RPS6KA2: variants seen among roughly 807,000 people sequenced by gnomAD.
RPS6KA2 encodes the protein ribosomal protein S6 kinase A2.
Under a neutral mutation model 91.8 loss-of-function variants are expected in RPS6KA2, and 42 were observed. The ratio of observed to expected loss-of-function variants is 0.46; its 90% confidence interval spans 0.36 to 0.59. The LOEUF (loss-of-function observed/expected upper bound fraction) is 0.59. RPS6KA2 is among the 20% of genes least tolerant of loss of function. The probability of loss-of-function intolerance (pLI) is 0.00; values close to 1 mark genes in which losing one functional copy is unlikely to be tolerated. For synonymous variants in RPS6KA2, 414 were observed against 393.6 expected (o/e 1.05, Z -0.61); for missense variants, 798 against 978.5 (o/e 0.82, Z 2.46).
At chr6:166,430,005 T>C (rs1457939372) in intron 16 of RPS6KA2, among the ~76,000 whole-genome samples, 1 of 151,598 alleles carries the variant, frequency 6.6e-6, no homozygotes, top group Non-Finnish European at 1.5e-5. Flanking sequence ...TCACGCAGGC[T>C]GGAGTGCAAT....
Position 166,726,616 on chromosome 6 carries a change from A to T in RPS6KA2, c.123+131584T>A, listed in dbSNP as rs1790347008. 6.6e-6 allele frequency among the ~76,000 whole-genome samples: 1 copy of T among 152,256 alleles called. No homozygotes were observed. Among genetic ancestry groups the T allele is most frequent in the South Asian group, 2.1e-4 (1 of 4,834 alleles). Reference sequence around the variant, plus strand: ...AACTGATCCAAAATATATAACCGTGATCACCTTAAATCACATAAACATGAT... The same window carrying T: ...AACTGATCCAAAATATATAACCGTGTTCACCTTAAATCACATAAACATGAT... On this transcript the variant is annotated intron_variant, in intron 2 of 21. Transcript: ENST00000503859. This position sits in a 1 kb window ranked among gnomAD's most constrained non-coding sequence, Gnocchi z 4.4.
intron 2 of RPS6KA2, among the ~76,000 whole-genome samples, chr6:166,843,918 G>A (rs1454790571): frequency 1.3e-5 from 2 of 151,862 alleles, no homozygotes; most frequent in Admixed American, 6.6e-5. Flanking sequence ...AAACCAAAAG[G>A]AAATCTCTGA....
At chr6:166,659,239 T>A (rs1338446300) in intron 2 of RPS6KA2, among the ~76,000 whole-genome samples, 1 of 152,212 alleles carries the variant, frequency 6.6e-6, no homozygotes, top group Admixed American at 6.5e-5. Flanking sequence ...CCCTATTAAT[T>A]AAAAACCAAA....
In RPS6KA2 at chr6:166,635,172, C is replaced by T. The variant is rs1266757009; in HGVS notation, c.124-96388G>A. On this transcript the variant is annotated intron_variant, in intron 2 of 21. Coordinates refer to the RPS6KA2 transcript ENST00000503859. This position sits in a 1 kb window ranked among gnomAD's most constrained non-coding sequence, Gnocchi z 4.8. Reference sequence around the variant, plus strand: ...CTAATTATCAATCACTTCTCTCCCACGTACACCTTGGCATGAATGAGTTAG... The same window carrying T: ...CTAATTATCAATCACTTCTCTCCCATGTACACCTTGGCATGAATGAGTTAG... Among the ~76,000 whole-genome samples, 5 of 152,334 alleles carry T rather than the reference C, an allele frequency of 3.3e-5. 1 individual carries two copies. Among genetic ancestry groups the T allele is most frequent in the South Asian group, 4.1e-4 (2 of 4,826 alleles).
rs117104145 is a variant in RPS6KA2, at chr6:166,672,184, C to T, written c.124-133400G>A. 4.8e-4 allele frequency among the ~76,000 whole-genome samples: 73 copies of T among 152,228 alleles called. 2 individuals carry two copies. The East Asian group carries it at 7.7e-3, about 16-fold the overall frequency. On this transcript the variant is annotated intron_variant, in intron 2 of 21. Coordinates refer to the RPS6KA2 transcript ENST00000503859. ...ATCGGGAGGTTAAAGAGACCCAGGG[C>T]GGATATGAGGGAGGGACTGCTCCAG...
At chr6:166,719,978 A>G (rs1050024295) in intron 2 of RPS6KA2, among the ~76,000 whole-genome samples, 2 of 152,242 alleles carry the variant, frequency 1.3e-5, no homozygotes, top group South Asian at 2.1e-4. Flanking sequence ...TGTGGGAGAA[A>G]GAAGTTAACT....
Position 166,702,486 on chromosome 6 carries a change from T to G in RPS6KA2, c.123+155714A>C. 4 of 1,573,810 alleles carry G rather than the reference T, an allele frequency of 2.5e-6. No homozygotes were observed. In the South Asian group the frequency reaches 4.4e-5, roughly 17 times the overall value. On this transcript the variant is annotated intron_variant, in intron 2 of 21. Transcript: ENST00000503859. ...AATAGGTTACATTTACAACTGCAGT[T>G]TCCGAGTCAGTGTTCACTTGCTGAC...
At chr6:166,443,629 C>T (rs976796407) in intron 14 of RPS6KA2, among the ~76,000 whole-genome samples, 3 of 152,162 alleles carry the variant, frequency 2.0e-5, no homozygotes, top group African/African-American at 7.2e-5. Flanking sequence ...ACGGTAGTGC[C>T]ATATTCGCCA....
chr6:166,838,479 T>C (rs933235410), intron 2 of RPS6KA2, among the ~76,000 whole-genome samples: 49 of 152,134 alleles, frequency 3.2e-4, no homozygotes, highest in Admixed American at 3.2e-3. Flanking sequence ...CAAAAAATAT[T>C]CACAAAAAAA....
At position 166,437,847 on chromosome 6, in the gene RPS6KA2, A is replaced by G. The variant is rs1779386638; in HGVS notation, c.1333-5357T>C. Among the ~76,000 whole-genome samples the G allele has an allele frequency of 6.6e-6, 1 of 152,194 alleles. No homozygotes were observed. The highest frequency in any genetic ancestry group is 1.5e-5 in the Non-Finnish European group (1 of 68,030). On this transcript the variant is annotated intron_variant, in intron 14 of 20. Transcript: ENST00000265678. This position sits in a 1 kb window ranked among gnomAD's most constrained non-coding sequence, Gnocchi z 4.3. The stretch of plus-strand genomic sequence containing the variant: ...CCTGCTGGCCGAAGGCGGCAACAGG[A>G]GACTTCACCGCTCTCGATACACCTT...
chr6:166,752,616 T>G (rs764774313), intron 2 of RPS6KA2, among the ~76,000 whole-genome samples: 26 of 152,240 alleles, frequency 1.7e-4, no homozygotes, highest in Non-Finnish European at 3.5e-4. Flanking sequence ...TGATTCTTGG[T>G]GTTAGAGATC....
At chr6:166,819,236 G>A (rs574396868) in intron 2 of RPS6KA2, among the ~76,000 whole-genome samples, 5 of 151,728 alleles carry the variant, frequency 3.3e-5, no homozygotes, top group Non-Finnish European at 7.4e-5. Context: ...TTGGTTTTTT[G>A]TTTGTTTATT....
chr6:166,410,400 T>A lies in RPS6KA2; in HGVS notation c.*2362A>T, dbSNP rs1562472681. The A allele has an allele frequency of 6.6e-6, 1 of 152,598 alleles. No homozygotes were observed. Among genetic ancestry groups the A allele is most frequent in the African/African-American group, 2.4e-5 (1 of 41,458 alleles). The allele number at this position is 152,598 out of a possible 1,614,324, so 9.5% of individuals were successfully genotyped here. The stretch of plus-strand genomic sequence containing the variant: ...AGGTTTTTGAAAGCTTAGTTTAACA[T>A]ATGATACCATAACTTCTTTAGGCTG... On this transcript the variant is annotated 3_prime_UTR_variant, in exon 21 of 21. Coordinates refer to ENST00000265678, the MANE Select transcript of RPS6KA2 (RefSeq NM_021135.6).
rs1788314336 is a variant in RPS6KA2, at chr6:166,666,309, C to A, written c.124-127525G>T. 6.6e-6 allele frequency among the ~76,000 whole-genome samples: 1 copy of A among 152,182 alleles called. No homozygotes were observed. The highest frequency in any genetic ancestry group is 2.4e-5 in the African/African-American group (1 of 41,452). Reference sequence around the variant, plus strand: ...GTAAAAGCAGGGGATGATGTGTAAACCCATCCATCTTCCTAGCGCATCAAT... The same window carrying A: ...GTAAAAGCAGGGGATGATGTGTAAAACCATCCATCTTCCTAGCGCATCAAT... On this transcript the variant is annotated intron_variant, in intron 2 of 21. Transcript: ENST00000503859. This position sits in a 1 kb window ranked among gnomAD's most constrained non-coding sequence, Gnocchi z 4.0.
rs528447689 is a variant in RPS6KA2 at position 166,603,960 on chromosome 6, C to T, written c.99+22961G>A. On this transcript the variant is annotated intron_variant, in intron 1 of 20. Coordinates refer to ENST00000265678, the MANE Select transcript of RPS6KA2 (RefSeq NM_021135.6). This position sits in a 1 kb window ranked among gnomAD's most constrained non-coding sequence, Gnocchi z 4.3. ...ATGAGAGCTAAGAACTTCTCCAACT[C>T]GTCCTAACGTGTCCCTCCTAGAAGT... is the stretch of plus-strand genomic sequence containing the variant. 4.6e-5 allele frequency among the ~76,000 whole-genome samples: 7 copies of T among 152,262 alleles called. No homozygotes were observed. The highest frequency in any genetic ancestry group is 9.6e-5 in the African/African-American group (4 of 41,548).
At chr6:166,501,523 C>T (rs1398599924) in intron 6 of RPS6KA2, among the ~76,000 whole-genome samples, 2 of 152,240 alleles carry the variant, frequency 1.3e-5, no homozygotes, top group African/African-American at 4.8e-5. Context: ...CCACTGGGTC[C>T]CTGTCTTGTT....
chr6:166,412,565 T>C lies in RPS6KA2; in HGVS notation c.*197A>G, dbSNP rs374875819. The C allele has an allele frequency of 1.3e-4, 65 of 502,732 alleles. No homozygotes were observed. Among genetic ancestry groups the C allele is most frequent in the Middle Eastern group, 5.6e-4 (1 of 1,794 alleles). The allele number at this position is 502,732 out of a possible 1,614,324, so 31.1% of individuals were successfully genotyped here. The stretch of plus-strand genomic sequence containing the variant: ...GAGAAAAGAGAGCGGGCGGGGAGGC[T>C]GGCGCAGTGAGGCTTGGAGAAGCCC... On this transcript the variant is annotated 3_prime_UTR_variant, in exon 21 of 21. Transcript: ENST00000265678. The surrounding 1 kb of genome is among the most constrained non-coding windows in gnomAD (Gnocchi z 4.3).
chr6:166,582,950 C>G (rs1437452331), intron 1 of RPS6KA2, among the ~76,000 whole-genome samples: 1 of 152,192 alleles, frequency 6.6e-6, no homozygotes, highest in African/African-American at 2.4e-5. Flanking sequence ...AAATAACTCA[C>G]TATATTTTTT....
In RPS6KA2 at chr6:166,611,528, G is replaced by A. The variant is rs1238443147; in HGVS notation, c.99+15393C>T. ...TCCTCAGGCAAGCTTCTTGTACAGA[G>A]TGAATGAGATAAAATATGTGTGTCA... On this transcript the variant is annotated intron_variant, in intron 1 of 20. Transcript: ENST00000265678. Among the ~76,000 whole-genome samples the A allele has an allele frequency of 5.3e-5, 8 of 152,364 alleles. No individual in the cohort carries two copies. The South Asian group carries it at 1.7e-3, about 32-fold the overall frequency.
Sources: gnomAD v4.1 joint callset for allele counts (sites outside exome capture counted in the v4.1 genomes callset) on GRCh38, gnomAD v4.1.1 for gene constraint, Gnocchi (gnomAD v3.1) non-coding constraint, MANE v1.5 for transcripts, NCBI Gene and HGNC (gene_info 2026-07-23, HGNC 2026-07-21) for gene names.